Variants in B4GALT6 observed in about 807,000 individuals in gnomAD.
B4GALT6 encodes the protein beta-1,4-galactosyltransferase 6, also known as UDP-Gal:beta-GlcNAc beta-1,4-galactosyltransferase 6.
A neutral mutation model predicts 46.3 loss-of-function variants in B4GALT6; 14 were observed. The ratio of observed to expected loss-of-function variants is 0.30; its 90% CI spans 0.20 to 0.47. The LOEUF (loss-of-function observed/expected upper bound fraction) is 0.47. B4GALT6 is among the 20% of genes least tolerant of loss of function. The probability of loss-of-function intolerance (pLI) is 0.99; values close to 1 mark genes in which losing one functional copy is unlikely to be tolerated. For synonymous variants in B4GALT6, 168 were observed against 162.0 expected (o/e 1.04, Z -0.28); for missense variants, 386 against 480.1 (o/e 0.80, Z 1.83).
intron 5 of B4GALT6, among the ~76,000 whole-genome samples, chr18:31,636,681 A>C (rs1389681241): frequency 1.3e-5 from 2 of 152,248 alleles, no homozygotes; most frequent in Non-Finnish European, 2.9e-5. Context: ...ATATGAGGTG[A>C]CAATACCAAA....
the B4GALT6 span, among the ~76,000 whole-genome samples, chr18:31,709,457 A>G: frequency 1.3e-4 from 20 of 148,550 alleles, no homozygotes; most frequent in African/African-American, 5.0e-4. Context: ...ATATATATAT[A>G]TGGTATATTC....
At chr18:31,694,900 G>A in the B4GALT6 span, among the ~76,000 whole-genome samples, 1 of 152,068 alleles carries the variant, frequency 6.6e-6, no homozygotes, top group African/African-American at 2.4e-5. Flanking sequence ...ACTGTTAATG[G>A]TAGAATAATT....
rs990599918 is a variant in B4GALT6, at chr18:31,622,753, T to G, written c.*2861A>C. On this transcript the variant is annotated 3_prime_UTR_variant, in exon 9 of 9. Coordinates refer to ENST00000306851, the MANE Select transcript of B4GALT6 (RefSeq NM_004775.5). ...ACAAAAACAAAAACTTAAATGTAGA[T>G]TTAAAAAATACTCATAAAACCCTAG... is the stretch of plus-strand genomic sequence containing the variant. 2 of 152,060 alleles carry G rather than the reference T, an allele frequency of 1.3e-5. No homozygotes were observed. Among genetic ancestry groups the G allele is most frequent in the African/African-American group, 4.8e-5 (2 of 41,434 alleles). 9.4% of individuals were successfully genotyped at this position (152,060 alleles called of 1,614,324 possible).
chr18:31,634,990 C>T (rs915528492), intron 5 of B4GALT6, among the ~76,000 whole-genome samples: 1 of 152,152 alleles, frequency 6.6e-6, no homozygotes, highest in Non-Finnish European at 1.5e-5. Flanking sequence ...TGCCTGTAGT[C>T]CCAGCACTTT....
At chr18:31,722,341 TGGTAATATTG>T in the B4GALT6 span, among the ~76,000 whole-genome samples, 1 of 152,128 alleles carries the variant, frequency 6.6e-6, no homozygotes, top group Non-Finnish European at 1.5e-5. Context: ...CATAAGGAAT[TGGTAATATTG>T]GGTAATATTG....
intron 1 of B4GALT6, among the ~76,000 whole-genome samples, chr18:31,675,383 C>A (rs539042994): frequency 1.3e-5 from 2 of 152,176 alleles, no homozygotes; most frequent in South Asian, 4.1e-4. Context: ...CTGTAAAGAA[C>A]CAAGATCCTG....
intron 2 of B4GALT6, among the ~76,000 whole-genome samples, chr18:31,662,039 T>C (rs1240963884): frequency 6.6e-6 from 1 of 152,188 alleles, no homozygotes; most frequent in African/African-American, 2.4e-5. Flanking sequence ...CAAAACAAAC[T>C]ATTAACTCCT....
chr18:31,666,713 C>A (rs1427777617), intron 1 of B4GALT6, among the ~76,000 whole-genome samples: 3 of 152,146 alleles, frequency 2.0e-5, no homozygotes, highest in African/African-American at 7.2e-5. Flanking sequence ...TACAGATGCT[C>A]AATCCTACAG....
At chr18:31,650,187 T>C (rs139063593) in intron 3 of B4GALT6, among the ~76,000 whole-genome samples, 275 of 152,324 alleles carry the variant, frequency 1.8e-3, no homozygotes, top group African/African-American at 6.5e-3. Flanking sequence ...CTGGCCTCTG[T>C]ATAAAGTGGT....
upstream of B4GALT6, among the ~76,000 whole-genome samples, chr18:31,688,027 G>A (rs2029986341): frequency 6.6e-6 from 1 of 151,954 alleles, no homozygotes; most frequent in South Asian, 2.1e-4. Context: ...CTCTTTTATG[G>A]TAGCTAAAGA....
the B4GALT6 span, among the ~76,000 whole-genome samples, chr18:31,692,381 C>A: frequency 1.3e-5 from 2 of 152,132 alleles, no homozygotes; most frequent in African/African-American, 4.8e-5. Flanking sequence ...ATAGTCAACC[C>A]GATTTTACTG....
rs1453397783 is a variant in B4GALT6 at position 31,622,308 on chromosome 18, G to A, written c.*3306C>T. ...AAAAGTACAAACATTTCCATGAGAA[G>A]CAAAAAAAGAAGTGGGATACAAGAA... On this transcript the variant is annotated 3_prime_UTR_variant, in exon 9 of 9. Transcript: ENST00000306851. 2 of 151,810 alleles carry A rather than the reference G, an allele frequency of 1.3e-5. No individual in the cohort carries two copies. The highest frequency in any genetic ancestry group is 4.8e-5 in the African/African-American group (2 of 41,392). 9.4% of individuals were successfully genotyped at this position (151,810 alleles called of 1,614,324 possible). A position where few individuals can be genotyped will look rare whatever the true frequency, so the allele number is the denominator to read the frequency against.
intron 3 of B4GALT6, among the ~76,000 whole-genome samples, chr18:31,651,840 A>G (rs536958258): frequency 2.8e-4 from 42 of 152,142 alleles, no homozygotes; most frequent in African/African-American, 5.5e-4. Flanking sequence ...GCGAGATCTC[A>G]GCTCACTGCC....
chr18:31,707,953 C>G, the B4GALT6 span, among the ~76,000 whole-genome samples: 3 of 152,178 alleles, frequency 2.0e-5, no homozygotes, highest in Non-Finnish European at 4.4e-5. Context: ...CCTTTTCACT[C>G]AACATATTAT....
At chr18:31,653,324 T>C (rs2074097919) in intron 3 of B4GALT6, among the ~76,000 whole-genome samples, 1 of 151,882 alleles carries the variant, frequency 6.6e-6, no homozygotes, top group South Asian at 2.1e-4. Context: ...GATGCTGTTC[T>C]CTCTCAGCTA....
the B4GALT6 span, among the ~76,000 whole-genome samples, chr18:31,703,051 G>A: frequency 6.6e-6 from 1 of 152,126 alleles, no homozygotes; most frequent in African/African-American, 2.4e-5. Flanking sequence ...TTTTACTGTT[G>A]CAAGTTTTTA....
At chr18:31,724,546 A>G in the B4GALT6 span, 1 of 1,026,292 alleles carries the variant, frequency 9.7e-7, no homozygotes, top group Non-Finnish European at 1.2e-6. Context: ...GAATCGACTG[A>G]GACTTTGGCT....
upstream of B4GALT6, among the ~76,000 whole-genome samples, chr18:31,688,247 G>GTATATATATATATACATATA (rs1555643326): frequency 1.1e-4 from 12 of 106,500 alleles, no homozygotes; most frequent in Middle Eastern, 8.6e-3. Flanking sequence ...ATAATTGAGT[G>GTATATATATATATACATATA]TATATATATA....
At chr18:31,702,980 T>C in the B4GALT6 span, among the ~76,000 whole-genome samples, 4 of 152,216 alleles carry the variant, frequency 2.6e-5, no homozygotes, top group African/African-American at 9.6e-5. Context: ...GTAAGAACCA[T>C]GAGAATTAGG....
Sources: allele counts gnomAD v4.1 joint callset (sites outside exome capture counted in the v4.1 genomes callset), GRCh38; gene constraint gnomAD v4.1.1; transcripts MANE v1.5; gene names NCBI Gene and HGNC (gene_info 2026-07-23, HGNC 2026-07-21).